Variants in GALNTL6 observed in about 807,000 individuals in gnomAD.
GALNTL6 encodes polypeptide N-acetylgalactosaminyltransferase like 6, also known as polypeptide N-acetylgalactosaminyltransferase-like 6.
In GALNTL6, 46 loss-of-function variants were observed where a neutral mutation model predicts 73.7. The observed-to-expected ratio is 0.62, with a 90% CI of 0.49 to 0.80. The LOEUF is 0.80. Ranked by LOEUF, GALNTL6 falls within the 30% of genes least tolerant of loss-of-function variation. The pLI is 0.00. For synonymous variants in GALNTL6, 259 were observed against 263.7 expected (o/e 0.98, Z 0.17); for missense variants, 604 against 755.0 (o/e 0.80, Z 2.34).
At chr4:173,001,271 A>T (rs1262797504) in intron 10 of GALNTL6, among the ~76,000 whole-genome samples, 2 of 152,176 alleles carry the variant, frequency 1.3e-5, no homozygotes, top group Non-Finnish European at 2.9e-5. Flanking sequence ...AGTTTAATCC[A>T]CTTGGTTTGT....
chr4:172,439,936 A>C (rs1731768779), intron 5 of GALNTL6, among the ~76,000 whole-genome samples: 1 of 152,042 alleles, frequency 6.6e-6, no homozygotes, highest in Non-Finnish European at 1.5e-5. Context: ...AATCACCCGA[A>C]GTCCCTAGTT....
intron 5 of GALNTL6, among the ~76,000 whole-genome samples, chr4:172,770,107 T>TA (rs925642577): frequency 8.6e-5 from 13 of 150,586 alleles, no homozygotes; most frequent in East Asian, 2.0e-4. Context: ...CTACTAAAAA[T>TA]AAAAAAAAAT....
chr4:172,860,193 A>C (rs1002407931), intron 7 of GALNTL6, among the ~76,000 whole-genome samples: 3 of 152,192 alleles, frequency 2.0e-5, no homozygotes, highest in Non-Finnish European at 4.4e-5. Flanking sequence ...TGTGTTGCAC[A>C]TATATTGTTC....
At chr4:172,825,050 T>A in intron 7 of GALNTL6, among the ~76,000 whole-genome samples, 1 of 66,430 alleles carries the variant, frequency 1.5e-5, no homozygotes, top group Non-Finnish European at 4.4e-5. Context: ...GGGACAATTC[T>A]TTTTTCTTTT....
chr4:172,829,569 G>A (rs720029), intron 7 of GALNTL6, among the ~76,000 whole-genome samples: 10 of 152,280 alleles, frequency 6.6e-5, no homozygotes, highest in African/African-American at 1.2e-4. Flanking sequence ...CTTCAAATGC[G>A]TATTTAGACA....
intron 5 of GALNTL6, among the ~76,000 whole-genome samples, chr4:172,391,493 A>C (rs180946255): frequency 4.6e-5 from 7 of 152,266 alleles, no homozygotes; most frequent in South Asian, 2.1e-4. Flanking sequence ...GGTGTGAGCC[A>C]CCGTGCCTGG....
intron 2 of GALNTL6, among the ~76,000 whole-genome samples, chr4:172,016,599 C>T (rs953188382): frequency 6.6e-6 from 1 of 151,976 alleles, no homozygotes; most frequent in Non-Finnish European, 1.5e-5. Flanking sequence ...TCATTTGGAT[C>T]CATTGCTAGG....
chr4:172,351,452 G>T (rs926169559), intron 5 of GALNTL6, among the ~76,000 whole-genome samples: 3 of 151,986 alleles, frequency 2.0e-5, no homozygotes, highest in Non-Finnish European at 4.4e-5. Context: ...TATATGCATG[G>T]CCTTAGAAGA....
intron 4 of GALNTL6, among the ~76,000 whole-genome samples, chr4:172,338,576 T>C (rs150494995): frequency 2.6e-5 from 4 of 152,296 alleles, no homozygotes; most frequent in Admixed American, 2.0e-4. Flanking sequence ...TATTGGGCCA[T>C]GCAGTTCAAG....
intron 12 of GALNTL6, among the ~76,000 whole-genome samples, chr4:173,024,068 G>T (rs1753128113): frequency 6.6e-6 from 1 of 152,070 alleles, no homozygotes; most frequent in South Asian, 2.1e-4. Context: ...CCAAGAAAAT[G>T]CAATTGTTTT....
intron 2 of GALNTL6, among the ~76,000 whole-genome samples, chr4:172,001,048 G>A (rs1210975364): frequency 6.6e-6 from 1 of 152,202 alleles, no homozygotes; most frequent in East Asian, 1.9e-4. Context: ...AGCAATAGCA[G>A]TGGTGAGAAT....
intron 2 of GALNTL6, among the ~76,000 whole-genome samples, chr4:171,987,225 A>C (rs1194614989): frequency 6.6e-6 from 1 of 152,172 alleles, no homozygotes; most frequent in Non-Finnish European, 1.5e-5. Context: ...GAGCTTGGTG[A>C]GGTGTGTTTT....
At chr4:172,371,066 T>A (rs1742789960) in intron 5 of GALNTL6, among the ~76,000 whole-genome samples, 1 of 152,230 alleles carries the variant, frequency 6.6e-6, no homozygotes. Context: ...GTCTCCTTCC[T>A]GATTCTGTAA....
chr4:172,561,538 A>G (rs961253891), intron 5 of GALNTL6, among the ~76,000 whole-genome samples: 2 of 152,160 alleles, frequency 1.3e-5, no homozygotes, highest in African/African-American at 4.8e-5. Flanking sequence ...TTATTAAAAA[A>G]CCATTCCAAT....
At chr4:172,307,640 C>T (rs1018009327) in intron 3 of GALNTL6, among the ~76,000 whole-genome samples, 3 of 151,860 alleles carry the variant, frequency 2.0e-5, no homozygotes, top group African/African-American at 4.8e-5. Flanking sequence ...TGTTTTTGTT[C>T]GCTTTGTCAA....
chr4:172,017,645 A>T (rs1266835306), intron 2 of GALNTL6, among the ~76,000 whole-genome samples: 1 of 152,128 alleles, frequency 6.6e-6, no homozygotes, highest in Non-Finnish European at 1.5e-5. Context: ...ACGACCCACC[A>T]GCAGAAAGGT....
At chr4:171,850,212 T>C (rs1735483072) in intron 2 of GALNTL6, among the ~76,000 whole-genome samples, 1 of 152,208 alleles carries the variant, frequency 6.6e-6, no homozygotes, top group Non-Finnish European at 1.5e-5. Flanking sequence ...CCTCAAGTGA[T>C]CTGCCCACCC....
At chr4:171,818,468 C>A (rs1477780194) in intron 2 of GALNTL6, among the ~76,000 whole-genome samples, 3 of 150,096 alleles carry the variant, frequency 2.0e-5, no homozygotes, top group African/African-American at 4.9e-5. Context: ...GAGGATCTTG[C>A]AATTTTTTAA....
intron 2 of GALNTL6, among the ~76,000 whole-genome samples, chr4:172,076,587 T>C (rs978874020): frequency 1.3e-5 from 2 of 152,176 alleles, no homozygotes; most frequent in Non-Finnish European, 2.9e-5. Flanking sequence ...TCACTAAAAA[T>C]AATTGCAAGA....
Sources: gnomAD v4.1 joint callset for allele counts (sites outside exome capture counted in the v4.1 genomes callset) on GRCh38, gnomAD v4.1.1 for gene constraint, MANE v1.5 for transcripts, NCBI Gene and HGNC (gene_info 2026-07-23, HGNC 2026-07-21) for gene names.